Variants in PGM5 observed in about 807,000 individuals in gnomAD.
PGM5 encodes phosphoglucomutase-like protein 5.
In PGM5, 23 loss-of-function variants were observed where a neutral mutation model predicts 59.2. The observed-to-expected ratio is 0.39, with a 90% CI of 0.28 to 0.55. PGM5 has a LOEUF of 0.55. Among genes scored for constraint, PGM5 ranks in the 20% least tolerant of loss-of-function variants. PGM5 has a pLI of 0.66. For missense variants in PGM5, 574 were observed against 748.3 expected (o/e 0.77, Z 2.72); for synonymous variants, 214 against 286.0 (o/e 0.75, Z 2.54).
At chr9:68,363,869 G>C (rs1248089211) in intron 1 of PGM5, among the ~76,000 whole-genome samples, 3 of 151,910 alleles carry the variant, frequency 2.0e-5, no homozygotes, top group Non-Finnish European at 4.4e-5. Context: ...ATCAGATGAA[G>C]CACTGCATAT....
chr9:68,485,537 G>A (rs1454982633), intron 9 of PGM5, among the ~76,000 whole-genome samples: 5 of 152,132 alleles, frequency 3.3e-5, no homozygotes, highest in Non-Finnish European at 7.3e-5. Flanking sequence ...TAAGACATGT[G>A]TTTGCTCCTC....
chr9:68,422,178 G>T (rs1554682388), intron 6 of PGM5, among the ~76,000 whole-genome samples: 1 of 152,022 alleles, frequency 6.6e-6, no homozygotes, highest in East Asian at 1.9e-4. Context: ...AGCCAAGTAG[G>T]AGGAACAATC....
chr9:68,482,338 G>A (rs562343907), intron 8 of PGM5, among the ~76,000 whole-genome samples: 1 of 151,962 alleles, frequency 6.6e-6, no homozygotes, highest in Non-Finnish European at 1.5e-5. Flanking sequence ...CCTTTAAAGT[G>A]ACTGCAGTCT....
At chr9:68,401,477 C>T (rs265105) in intron 6 of PGM5, among the ~76,000 whole-genome samples, 82,429 of 151,868 alleles carry the variant, frequency 0.54, 22,602 homozygotes, top group Non-Finnish European at 0.58. Context: ...GCCCTCCCAA[C>T]GATGTGGCCC....
intron 6 of PGM5, chr9:68,400,459 T>C (rs1822636759): frequency 6.6e-6 from 1 of 152,530 alleles, no homozygotes; most frequent in Non-Finnish European, 1.5e-5. Flanking sequence ...TTGTTCTTCT[T>C]TATCTTTTAT....
intron 6 of PGM5, among the ~76,000 whole-genome samples, chr9:68,410,489 CTAAA>C (rs1199812835): frequency 1.3e-5 from 2 of 150,040 alleles, no homozygotes; most frequent in African/African-American, 5.0e-5. Context: ...TTTCTTTAGA[CTAAA>C]TAATTTAGGA....
intron 6 of PGM5, among the ~76,000 whole-genome samples, chr9:68,433,964 C>T (rs984545445): frequency 6.6e-6 from 1 of 152,160 alleles, no homozygotes; most frequent in Non-Finnish European, 1.5e-5. Context: ...CTGTATAAAA[C>T]ATCCTATTCA....
At position 68,384,447 on chromosome 9, in the gene PGM5, G is replaced by A. The variant is rs782716989; in HGVS notation, c.474G>A (p.Thr158=). ...ACAAAATCTACCAAATCAGCAAAAC[G>A]ATTGAGGAATATGCTATATGTCCTG... ...VSDKIYQISK[T]IEEYAICPDL... Residue 158 remains threonine (T), a synonymous_variant, in exon 3 of 11, where the codon ACG becomes ACA. Coordinates refer to ENST00000396396, the MANE Select transcript of PGM5 (RefSeq NM_021965.4). 1.4e-5 allele frequency: 23 copies of A among 1,605,352 alleles called. No homozygotes were observed. In the East Asian group the frequency reaches 2.0e-4, roughly 14 times the overall value.
chr9:68,370,180 T>C (rs1398751423), intron 1 of PGM5, among the ~76,000 whole-genome samples: 1 of 152,230 alleles, frequency 6.6e-6, no homozygotes, highest in African/African-American at 2.4e-5. Context: ...TTTCTGTTCA[T>C]TGTGTCTTCA....
intron 6 of PGM5, among the ~76,000 whole-genome samples, chr9:68,459,908 G>A (rs1554685244): frequency 6.6e-6 from 1 of 152,102 alleles, no homozygotes. Flanking sequence ...AATATAAACT[G>A]CATGTAAGTC....
chr9:68,418,114 A>T (rs1554682118), intron 6 of PGM5, among the ~76,000 whole-genome samples: 1 of 152,078 alleles, frequency 6.6e-6, no homozygotes, highest in Non-Finnish European at 1.5e-5. Context: ...TTTGTCCTTC[A>T]CTATATCACA....
At chr9:68,376,775 T>TTCTC (rs1821899725) in intron 1 of PGM5, among the ~76,000 whole-genome samples, 1 of 73,946 alleles carries the variant, frequency 1.4e-5, no homozygotes, top group Non-Finnish European at 2.8e-5. Flanking sequence ...ATTTCTTTCT[T>TTCTC]TCTTTCTTTC....
intron 7 of PGM5, among the ~76,000 whole-genome samples, chr9:68,473,231 T>A (rs1824049900): frequency 6.6e-6 from 1 of 152,112 alleles, no homozygotes; most frequent in South Asian, 2.1e-4. Flanking sequence ...CTTGAGTAGC[T>A]GAAAAAAGGA....
intron 6 of PGM5, among the ~76,000 whole-genome samples, chr9:68,413,988 G>A (rs1554681806): frequency 2.0e-5 from 3 of 152,188 alleles, no homozygotes; most frequent in Non-Finnish European, 4.4e-5. Flanking sequence ...ATCATGAGAT[G>A]AGGACAGATC....
intron 5 of PGM5, among the ~76,000 whole-genome samples, 179 bp downstream of exon 5, chr9:68,391,903 T>A (rs1222067000): frequency 1.3e-5 from 2 of 152,146 alleles, no homozygotes; most frequent in Non-Finnish European, 2.9e-5. Context: ...AGCGATTACT[T>A]TTCTTAGTTC....
chr9:68,360,854 T>TA (rs1257997793), intron 1 of PGM5, among the ~76,000 whole-genome samples: 2 of 152,322 alleles, frequency 1.3e-5, no homozygotes, highest in East Asian at 3.9e-4. Flanking sequence ...TCAAACAAAA[T>TA]AAAAAATGGT....
At chr9:68,514,375 G>T (rs1378160560) in intron 10 of PGM5, among the ~76,000 whole-genome samples, 1 of 152,138 alleles carries the variant, frequency 6.6e-6, no homozygotes, top group South Asian at 2.1e-4. Flanking sequence ...GCTGAGACGG[G>T]TGAATCACCT....
At chr9:68,500,948 A>G (rs1554688617) in intron 10 of PGM5, among the ~76,000 whole-genome samples, 3 of 152,152 alleles carry the variant, frequency 2.0e-5, no homozygotes, top group Non-Finnish European at 4.4e-5. Context: ...GGCAGTCCAC[A>G]AAAGCAGTGC....
At chr9:68,364,351 T>A (rs117630661) in intron 1 of PGM5, among the ~76,000 whole-genome samples, 2,638 of 152,284 alleles carry the variant, frequency 0.017, 26 homozygotes, top group Non-Finnish European at 0.026. Flanking sequence ...GGGGAACAAA[T>A]TCTTGGGGTG....
Sources: gnomAD v4.1 joint callset for allele counts (sites outside exome capture counted in the v4.1 genomes callset) on GRCh38, gnomAD v4.1.1 for gene constraint, MANE v1.5 for transcripts, NCBI Gene and HGNC (gene_info 2026-07-23, HGNC 2026-07-21) for gene names.